SH3RF2: variants seen among roughly 807,000 people sequenced by gnomAD.
SH3RF2 encodes E3 ubiquitin-protein ligase SH3RF2.
A neutral mutation model predicts 59.0 loss-of-function variants in SH3RF2; 43 were observed. The observed-to-expected ratio is 0.73, with a 90% CI of 0.57 to 0.94. The LOEUF (loss-of-function observed/expected upper bound fraction) is 0.94. SH3RF2 is among the 40% of genes least tolerant of loss of function. SH3RF2 has a pLI of 0.00. For missense variants in SH3RF2, 930 were observed against 940.1 expected (o/e 0.99, Z 0.14); for synonymous variants, 391 against 391.5 (o/e 1.00, Z 0.01).
intron 2 of SH3RF2, among the ~76,000 whole-genome samples, chr5:145,999,184 T>G (rs765636142): frequency 6.6e-5 from 10 of 152,176 alleles, no homozygotes; most frequent in Non-Finnish European, 1.0e-4. Flanking sequence ...CTCTGCCAGC[T>G]TCAAACTTTT....
chr5:146,011,825 A>G (rs539722184), intron 4 of SH3RF2, among the ~76,000 whole-genome samples: 2 of 152,328 alleles, frequency 1.3e-5, no homozygotes, highest in African/African-American at 4.8e-5. Context: ...GTCATCTGCA[A>G]AGAGGGACAA....
In SH3RF2 at chr5:145,962,712, A is replaced by G. The variant is rs1040743849; in HGVS notation, c.378+24406A>G. Among the ~76,000 whole-genome samples, 4 of 152,090 alleles carry G rather than the reference A, an allele frequency of 2.6e-5. No homozygotes were observed. The East Asian group carries it at 7.7e-4, about 29-fold the overall frequency. ...CAGATTAAAAGCTCAGAAAATTCTT[A>G]AAGAGAGTAAGGGAGCAAGAGAAGG... On this transcript the variant is annotated intron_variant, in intron 2 of 9. Coordinates refer to ENST00000359120, the MANE Select transcript of SH3RF2 (RefSeq NM_152550.4).
intron 6 of SH3RF2, 73 bp downstream of exon 6, chr5:146,047,936 C>A: frequency 7.3e-7 from 1 of 1,361,274 alleles, no homozygotes; most frequent in Non-Finnish European, 1.0e-6. Flanking sequence ...CAGTGGTGAT[C>A]TAGCATCACC....
rs964281899 is a variant in SH3RF2, at chr5:145,937,862, C to T, written c.-67C>T. The T allele has an allele frequency of 1.9e-6, 3 of 1,538,788 alleles. No homozygotes were observed. Among genetic ancestry groups the T allele is most frequent in the Non-Finnish European group, 2.6e-6 (3 of 1,144,736 alleles). ...GTTCTCAAGAGACCAGCTCTGCCCC[C>T]GTGGCTCAACTGACCCTACCATGTG... On this transcript the variant is annotated 5_prime_UTR_variant, in exon 2 of 10. Transcript: ENST00000359120.
chr5:145,942,959 C>T (rs1757874347), intron 2 of SH3RF2, among the ~76,000 whole-genome samples: 1 of 152,070 alleles, frequency 6.6e-6, no homozygotes, highest in Non-Finnish European at 1.5e-5. Context: ...GTCACTTAAC[C>T]TCTCTGATCC....
intron 5 of SH3RF2, among the ~76,000 whole-genome samples, chr5:146,028,101 G>C (rs971387716): frequency 1.9e-4 from 29 of 149,176 alleles, no homozygotes; most frequent in Non-Finnish European, 3.0e-5. Context: ...TTTTAATGTA[G>C]ACACTATAGC....
rs763090331 is a variant in SH3RF2 at position 146,049,169 on chromosome 5, G to T, written c.1246G>T (p.Gly416Cys). 5 of 1,614,004 alleles carry T rather than the reference G, an allele frequency of 3.1e-6. No individual in the cohort carries two copies. The highest frequency in any genetic ancestry group is 4.2e-6 in the Non-Finnish European group (5 of 1,180,024). ...GVRVLGKCQD[G>C]WLRGVSLVTG... ...CAGGGTCCTGGGGAAGTGCCAGGACGGCTGGCTCAGGGGCGTCTCCTTGGT... is the reference window on the plus strand; with the variant it reads ...CAGGGTCCTGGGGAAGTGCCAGGACTGCTGGCTCAGGGGCGTCTCCTTGGT... The change falls in exon 7 of 10, where the codon GGC (glycine) becomes TGC (cysteine). Residue 416 changes from glycine (G) to cysteine (C), a missense_variant. Physicochemically the swap from Gly to Cys is radical, Grantham distance 159 (BLOSUM62 -3). Transcript: ENST00000359120.
intron 2 of SH3RF2, among the ~76,000 whole-genome samples, chr5:145,962,785 C>T (rs941004491): frequency 3.3e-5 from 5 of 151,970 alleles, no homozygotes; most frequent in Non-Finnish European, 7.4e-5. Context: ...GGACTTCATA[C>T]CTCCTCCATT....
At chr5:146,062,370 G>A (rs1465373562) in intron 9 of SH3RF2, 56 bp from the exon 10 acceptor site, 3 of 1,577,106 alleles carry the variant, frequency 1.9e-6, no homozygotes, top group African/African-American at 2.7e-5. Flanking sequence ...GACAAGCATG[G>A]GGAAATAGAC....
intron 2 of SH3RF2, among the ~76,000 whole-genome samples, chr5:145,999,843 A>G (rs1760325216): frequency 6.6e-6 from 1 of 152,234 alleles, no homozygotes; most frequent in Admixed American, 6.5e-5. Flanking sequence ...CAGTTACCAG[A>G]ATGTGACACA....
At position 145,938,924 on chromosome 5, in the gene SH3RF2, T is replaced by G. The variant is rs138267464; in HGVS notation, c.378+618T>G. ...GTGCTTCAGCTGTGTATAGGAGCTC[T>G]GCAGATGTGTCTCATTTTGCAAAAT... On this transcript the variant is annotated intron_variant, in intron 2 of 9. Coordinates refer to ENST00000359120, the MANE Select transcript of SH3RF2 (RefSeq NM_152550.4). Among the ~76,000 whole-genome samples the G allele has an allele frequency of 3.9e-3, 599 of 152,356 alleles. 6 individuals carry two copies. Among genetic ancestry groups the G allele is most frequent in the African/African-American group, 0.014 (586 of 41,574 alleles).
intron 3 of SH3RF2, among the ~76,000 whole-genome samples, chr5:146,002,965 G>T (rs961690997): frequency 2.2e-4 from 34 of 152,154 alleles, no homozygotes; most frequent in Admixed American, 1.9e-3. Context: ...GTGCCAAAAA[G>T]GTTGGGTACC....
At chr5:145,987,369 T>C (rs1759754481) in intron 2 of SH3RF2, among the ~76,000 whole-genome samples, 1 of 152,152 alleles carries the variant, frequency 6.6e-6, no homozygotes, top group Admixed American at 6.5e-5. Flanking sequence ...CCAAAGTCTA[T>C]TGTATCATTC....
In SH3RF2 at chr5:146,072,746, T is replaced by G. The variant is rs116378538; in HGVS notation, c.*34-5714T>G. ...TAAATGCAGGTACCTAGTGAATCCC[T>G]TAGAGGGTTTGTAACTACAGGGTTG... is the stretch of plus-strand genomic sequence containing the variant. On this transcript the variant is annotated intron_variant, in intron 9 of 9. Transcript: ENST00000511217. Among the ~76,000 whole-genome samples, 762 of 152,290 alleles carry G rather than the reference T, an allele frequency of 5.0e-3. 4 individuals are homozygous for G. The highest frequency in any genetic ancestry group is 0.018 in the African/African-American group (737 of 41,564).
In SH3RF2 at chr5:146,056,256, G is replaced by T. The variant is rs775416671; in HGVS notation, c.1555+43G>T. 6 of 1,613,018 alleles carry T rather than the reference G, an allele frequency of 3.7e-6. No homozygotes were observed. The Admixed American group carries it at 1.0e-4, about 27-fold the overall frequency. ...GGTACGTGCCTAGAGCTAAGTGATG[G>T]GGGGAATCTGACCCAGGGGTACACA... On this transcript the variant is annotated intron_variant, in intron 8 of 9. Transcript: ENST00000359120.
intron 5 of SH3RF2, among the ~76,000 whole-genome samples, chr5:146,036,693 T>TA (rs1296111462): frequency 3.3e-5 from 5 of 152,022 alleles, no homozygotes; most frequent in East Asian, 1.9e-4. Context: ...AAACTCTATC[T>TA]AAAAAAAAGA....
downstream of SH3RF2, among the ~76,000 whole-genome samples, chr5:146,064,761 AGG>A (rs1561773582): frequency 0.014 from 78 of 5,524 alleles, 2 homozygotes; most frequent in Non-Finnish European, 0.079. Flanking sequence ...GAAGGAAGGA[AGG>A]AAGGAAGGAA....
At position 145,937,810 on chromosome 5, in the gene SH3RF2, C is replaced by G. The variant is rs112595395; in HGVS notation, c.-106-13C>G. On this transcript the variant is annotated splice_polypyrimidine_tract_variant and intron_variant, in intron 1 of 9. Transcript: ENST00000359120. ...TCACATTTTTTTTTCTCTCCTCTCC[C>G]TCCTTCAAGCAGGCAAAAATTCTGA... The G allele has an allele frequency of 1.2e-3, 1,513 of 1,253,224 alleles. 21 individuals carry two copies. The African/African-American group carries it at 0.02, about 16-fold the overall frequency. The allele number at this position is 1,253,224 out of a possible 1,614,324, so 77.6% of individuals were successfully genotyped here. A position where few individuals can be genotyped will look rare whatever the true frequency, so the allele number is the denominator to read the frequency against.
chr5:145,944,889 A>G (rs1290788407), intron 2 of SH3RF2, among the ~76,000 whole-genome samples: 1 of 152,174 alleles, frequency 6.6e-6, no homozygotes, highest in Admixed American at 6.5e-5. Flanking sequence ...TTGGAAACTC[A>G]CTATTGCCAC....
Sources: gnomAD v4.1 joint callset for allele counts (sites outside exome capture counted in the v4.1 genomes callset) on GRCh38, gnomAD v4.1.1 for gene constraint, MANE v1.5 for transcripts, NCBI Gene and HGNC (gene_info 2026-07-23, HGNC 2026-07-21) for gene names.